PPP5C: variants seen among roughly 807,000 people sequenced by gnomAD.
The protein encoded by PPP5C is serine/threonine-protein phosphatase 5.
Under a neutral mutation model 66.7 loss-of-function variants are expected in PPP5C, and 21 were observed. That is an observed-to-expected ratio of 0.31 (90% confidence interval 0.22 to 0.45). The LOEUF is 0.45. Among genes scored for constraint, PPP5C ranks in the 20% least tolerant of loss-of-function variants. PPP5C has a pLI of 1.00. For missense variants in PPP5C, 464 were observed against 675.9 expected (o/e 0.69, Z 3.48); for synonymous variants, 246 against 257.4 (o/e 0.96, Z 0.43).
Position 46,353,659 on chromosome 19 carries a change from G to C in PPP5C, c.122-89G>C. The C allele has an allele frequency of 1.9e-6, 3 of 1,565,856 alleles. No homozygotes were observed. The South Asian group carries it at 3.6e-5, about 19-fold the overall frequency. The stretch of plus-strand genomic sequence containing the variant: ...AGGGTAGCCCTCAGCTTCCCCATCT[G>C]TGAACAGGGAGACTGGGCGTCACCC... On this transcript the variant is annotated intron_variant, in intron 1 of 12. Coordinates refer to ENST00000012443, the MANE Select transcript of PPP5C (RefSeq NM_006247.4).
chr19:46,372,277 C>T (rs1972606993), intron 2 of PPP5C, among the ~76,000 whole-genome samples: 1 of 152,076 alleles, frequency 6.6e-6, no homozygotes, highest in Non-Finnish European at 1.5e-5. Context: ...AATCATGACT[C>T]ACTGCAGCCT....
intron 2 of PPP5C, among the ~76,000 whole-genome samples, chr19:46,373,035 CCAGGGGGTGCTGGCACCACCCCTA>C (rs1408961807): frequency 1.3e-5 from 2 of 152,264 alleles, no homozygotes; most frequent in East Asian, 1.9e-4. Flanking sequence ...CGACAATCCT[CCAGGGGGTGCTGGCACCACCCCTA>C]CTTTCTAGAA....
chr19:46,347,144 G>C lies in PPP5C; in HGVS notation c.48G>C (p.Arg16=), dbSNP rs139958712. 2 of 1,605,538 alleles carry C rather than the reference G, an allele frequency of 1.2e-6. No individual in the cohort carries two copies. The highest frequency in any genetic ancestry group is 1.7e-6 in the Non-Finnish European group (2 of 1,176,344). The change falls in exon 1 of 13, where the codon CGG becomes CGC. Residue 16 remains arginine (R), a synonymous_variant. Coordinates refer to ENST00000012443, the MANE Select transcript of PPP5C (RefSeq NM_006247.4). ...GGACTGAGTGTGCTGAGCCCCCCCG[G>C]GACGAACCCCCGGCTGATGGAGCTC... The part of the protein sequence containing the change: ...GERTECAEPP[R]DEPPADGALK...
intron 2 of PPP5C, 68 bp downstream of exon 2, chr19:46,354,057 A>T: frequency 6.4e-7 from 1 of 1,564,232 alleles, no homozygotes; most frequent in South Asian, 1.2e-5. Flanking sequence ...GCTGGCGGGG[A>T]CGGGTGTGAG....
chr19:46,376,463 T>A lies in PPP5C; in HGVS notation c.522T>A (p.Asp174Glu). 1 of 1,613,722 alleles carries A rather than the reference T, an allele frequency of 6.2e-7. No individual in the cohort carries two copies. The highest frequency in any genetic ancestry group is 1.7e-4 in the Middle Eastern group (1 of 6,058). Residue 174 changes from aspartate (D) to glutamate (E), a missense_variant, in exon 4 of 13, where the codon GAT (aspartate) becomes GAA (glutamate). By Grantham distance (45) the Asp-to-Glu change is conservative (BLOSUM62 2). This residue lies in a region of PPP5C where 387 missense variants were observed against 626.0 expected (regional missense o/e 0.62). Transcript: ENST00000012443. This position sits in a 1 kb window ranked among gnomAD's most constrained non-coding sequence, Gnocchi z 5.1. Reference protein sequence around the residue: ...SLDIESMTIEDEYSGPKLEDG... With the variant: ...SLDIESMTIEEEYSGPKLEDG... ...TTGTTCACACCCTAGCCATTGAGGA[T>A]GAGTACAGCGGACCCAAGCTTGAAG...
chr19:46,388,760 C>A lies in PPP5C; in HGVS notation c.1355+29C>A, dbSNP rs1972937165. 1.3e-6 allele frequency: 2 copies of A among 1,595,306 alleles called. No homozygotes were observed. Among genetic ancestry groups the A allele is most frequent in the East Asian group, 4.5e-5 (2 of 44,540 alleles). On this transcript the variant is annotated intron_variant, in intron 11 of 12. Transcript: ENST00000012443. The surrounding 1 kb of genome is among the most constrained non-coding windows in gnomAD (Gnocchi z 4.9). ...TGTCTTTGCCTTTCCAGCCCAGGGC[C>A]TCTACCAAGCCACGGGTTTTTGTCT...
intron 4 of PPP5C, among the ~76,000 whole-genome samples, chr19:46,378,788 CT>C (rs1012016415): frequency 6.6e-6 from 1 of 152,028 alleles, no homozygotes; most frequent in Non-Finnish European, 1.5e-5. Flanking sequence ...CTTTTCTACC[CT>C]TTTGTATTTA....
intron 1 of PPP5C, among the ~76,000 whole-genome samples, chr19:46,348,462 C>T (rs1018585661): frequency 2.0e-5 from 3 of 152,010 alleles, no homozygotes; most frequent in Admixed American, 6.6e-5. Flanking sequence ...TATAGACGCA[C>T]ACCACCATGC....
At chr19:46,371,745 G>T (rs1199505054) in intron 2 of PPP5C, among the ~76,000 whole-genome samples, 1 of 152,190 alleles carries the variant, frequency 6.6e-6, no homozygotes, top group African/African-American at 2.4e-5. Flanking sequence ...CTTATGTCAG[G>T]CTTCAGGCTG....
chr19:46,361,204 G>C (rs1051499662), intron 2 of PPP5C, among the ~76,000 whole-genome samples: 1 of 141,466 alleles, frequency 7.1e-6, no homozygotes, highest in Non-Finnish European at 1.5e-5. Flanking sequence ...ATCTCCACTC[G>C]CTGCAAGCTC....
Position 46,367,236 on chromosome 19 carries a change from C to T in PPP5C, c.364-8368C>T, listed in dbSNP as rs542194859. On this transcript the variant is annotated intron_variant, in intron 2 of 12. Transcript: ENST00000012443. ...TCTTAGGAATTATCCCTGCTTCCAG[C>T]ACTTGGTGCTGGTAGATAGAGCCTT... Among the ~76,000 whole-genome samples the T allele has an allele frequency of 2.0e-5, 3 of 152,334 alleles. No homozygotes were observed. The South Asian group carries it at 6.2e-4, about 32-fold the overall frequency.
chr19:46,348,416 C>T lies in PPP5C; in HGVS notation c.121+1199C>T, dbSNP rs555772531. ...GCAACCTCCGCCTCCCTGGTTCAAG[C>T]GATTCTCCTGCCTCAGCCTCCCGAG... On this transcript the variant is annotated intron_variant, in intron 1 of 12. Coordinates refer to ENST00000012443, the MANE Select transcript of PPP5C (RefSeq NM_006247.4). 3.4e-4 allele frequency among the ~76,000 whole-genome samples: 52 copies of T among 150,876 alleles called. No individual in the cohort carries two copies. The East Asian group carries it at 8.8e-3, about 25-fold the overall frequency.
intron 2 of PPP5C, among the ~76,000 whole-genome samples, chr19:46,358,945 G>T (rs553079248): frequency 6.6e-6 from 1 of 152,284 alleles, no homozygotes; most frequent in African/African-American, 2.4e-5. Flanking sequence ...AGTGGGACAT[G>T]ACTGCTCCCT....
intron 2 of PPP5C, among the ~76,000 whole-genome samples, chr19:46,371,415 T>G (rs781157241): frequency 2.0e-5 from 3 of 152,150 alleles, no homozygotes; most frequent in Non-Finnish European, 4.4e-5. Context: ...GGTGTGACCT[T>G]CATGCAGTAA....
chr19:46,363,340 A>C (rs1405520049), intron 2 of PPP5C, among the ~76,000 whole-genome samples: 8 of 133,762 alleles, frequency 6.0e-5, no homozygotes, highest in African/African-American at 1.1e-4. Flanking sequence ...AAAAAAAAAA[A>C]AAAAAAACAA....
At position 46,390,869 on chromosome 19, in the gene PPP5C, T is replaced by G. The variant is rs148919772; in HGVS notation, c.*523T>G. 2.9e-5 allele frequency: 33 copies of G among 1,141,248 alleles called. No homozygotes were observed. In the South Asian group the frequency reaches 5.8e-4, roughly 20 times the overall value. 70.7% of individuals were successfully genotyped at this position (1,141,248 alleles called of 1,614,324 possible). A position where few individuals can be genotyped will look rare whatever the true frequency, so the allele number is the denominator to read the frequency against. On this transcript the variant is annotated 3_prime_UTR_variant, in exon 13 of 13. Coordinates refer to ENST00000012443, the MANE Select transcript of PPP5C (RefSeq NM_006247.4). ...CGGAAGTCAGCTTGTCTCTGGATGGTGGAGCCGAAGGAGCTGCCCGGGTTG... is the reference window on the plus strand; with the variant it reads ...CGGAAGTCAGCTTGTCTCTGGATGGGGGAGCCGAAGGAGCTGCCCGGGTTG...
Position 46,383,750 on chromosome 19 carries a change from G to A in PPP5C, c.700-30G>A, listed in dbSNP as rs1024781. 3.2e-6 allele frequency: 5 copies of A among 1,568,184 alleles called. No homozygotes were observed. Among genetic ancestry groups the A allele is most frequent in the Non-Finnish European group, 4.4e-6 (5 of 1,138,578 alleles). ...CCTCCCCACGTCTCTCTCTCGGCCC[G>A]TCCCTCTCCGGTGGCCTCTTTTCTT... On this transcript the variant is annotated intron_variant, in intron 5 of 12. Transcript: ENST00000012443. The surrounding 1 kb of genome is among the most constrained non-coding windows in gnomAD (Gnocchi z 5.0).
At position 46,383,414 on chromosome 19, in the gene PPP5C, CT is replaced by C; in HGVS notation, c.638del (p.Leu213ArgfsTer11). 6.2e-7 allele frequency: 1 copy of C among 1,611,864 alleles called. No individual in the cohort carries two copies. Among genetic ancestry groups the C allele is most frequent in the Non-Finnish European group, 8.5e-7 (1 of 1,179,064 alleles). Reference protein sequence around the residue: ...KLHRKCAYQILVQVKEVLSKL... With the variant: ...KLHRKCAYQIXVQVKEVLSKL... Reference sequence around the variant, plus strand: ...CTGAGTCTGCCCTGCCTTCCAGATTCTGGTACAGGTCAAAGAGGTCCTCTCC... The same window carrying C: ...CTGAGTCTGCCCTGCCTTCCAGATTCGGTACAGGTCAAAGAGGTCCTCTCC... On this transcript the variant is annotated frameshift_variant, in exon 5 of 13. Coordinates refer to ENST00000012443, the MANE Select transcript of PPP5C (RefSeq NM_006247.4). LOFTEE classifies it high-confidence loss of function. The surrounding 1 kb of genome is among the most constrained non-coding windows in gnomAD (Gnocchi z 5.0).
At position 46,388,603 on chromosome 19, in the gene PPP5C, C is replaced by G; in HGVS notation, c.1227C>G (p.Asp409Glu). 1 of 1,614,130 alleles carries G rather than the reference C, an allele frequency of 6.2e-7. No homozygotes were observed. Among genetic ancestry groups the G allele is most frequent in the Non-Finnish European group, 8.5e-7 (1 of 1,180,022 alleles). The change falls in exon 11 of 13, where the codon GAC becomes GAG. Residue 409 changes from aspartate (D) to glutamate (E), a missense_variant. Physicochemically the swap from Asp to Glu is conservative, Grantham distance 45. This residue lies in a region of PPP5C where 387 missense variants were observed against 626.0 expected (regional missense o/e 0.62). Coordinates refer to ENST00000012443, the MANE Select transcript of PPP5C (RefSeq NM_006247.4). The surrounding 1 kb of genome is among the most constrained non-coding windows in gnomAD (Gnocchi z 4.9). ...KRGVSCQFGP[D>E]VTKAFLEENN... ...GCGTGAGCTGTCAGTTTGGGCCTGA[C>G]GTCACCAAGGCCTTCTTGGAAGAGA...
Sources: gnomAD v4.1 joint callset for allele counts (sites outside exome capture counted in the v4.1 genomes callset) on GRCh38, gnomAD v4.1.1 for gene constraint, gnomAD v4.1.1 regional missense constraint, Gnocchi (gnomAD v3.1) non-coding constraint, MANE v1.5 for transcripts, NCBI Gene and HGNC (gene_info 2026-07-23, HGNC 2026-07-21) for gene names.